Variants in CAST observed in about 807,000 individuals in gnomAD.
CAST encodes the protein MIR583 host.
Under a neutral mutation model 119.6 loss-of-function variants are expected in CAST, and 76 were observed. That is an observed-to-expected ratio of 0.64 (90% CI 0.53 to 0.77). CAST has a LOEUF of 0.77. Among genes scored for constraint, CAST ranks in the 30% least tolerant of loss-of-function variants. The probability of loss-of-function intolerance (pLI) is 0.00; values close to 1 mark genes in which losing one functional copy is unlikely to be tolerated. For missense variants in CAST, 953 were observed against 946.5 expected, an observed-to-expected ratio of 1.01 and a Z score of -0.09; for synonymous variants, 319 against 331.6, an observed-to-expected ratio of 0.96 and a Z score of 0.41.
the CAST span, among the ~76,000 whole-genome samples, chr5:96,050,407 G>A: frequency 6.6e-6 from 1 of 151,970 alleles, no homozygotes; most frequent in Non-Finnish European, 1.5e-5. Flanking sequence ...TAGCACAGGT[G>A]AAGGAATTAG....
At chr5:96,368,191 A>T in the CAST span, among the ~76,000 whole-genome samples, 3 of 151,900 alleles carry the variant, frequency 2.0e-5, 1 homozygote, top group South Asian at 6.3e-4. Context: ...ACCAATTTTT[A>T]AAAATTGTTT....
the CAST span, among the ~76,000 whole-genome samples, chr5:96,310,625 T>TA: frequency 9.9e-5 from 15 of 151,974 alleles, no homozygotes; most frequent in Admixed American, 7.9e-4. Context: ...ATTATTGGTT[T>TA]ATTCAGATTT....
At position 96,697,416 on chromosome 5, in the gene CAST, T is replaced by G. The variant is rs184137445; in HGVS notation, c.210+1509T>G. 6.6e-5 allele frequency among the ~76,000 whole-genome samples: 10 copies of G among 152,340 alleles called. No individual in the cohort carries two copies. The East Asian group carries it at 1.9e-3, about 29-fold the overall frequency. On this transcript the variant is annotated intron_variant, in intron 3 of 31. Transcript: ENST00000675179. ...GAGTTCTGACTGCTCTCCAAGTCCC[T>G]GATGGTGCCCAAACCAATAATCAGC...
intron 1 of CAST, among the ~76,000 whole-genome samples, chr5:96,532,726 T>G (rs576304737): frequency 6.6e-6 from 1 of 152,286 alleles, no homozygotes; most frequent in African/African-American, 2.4e-5. Context: ...GGTGCACACC[T>G]GTAATCCCAG....
chr5:95,998,590 T>G, the CAST span, among the ~76,000 whole-genome samples: 3 of 152,198 alleles, frequency 2.0e-5, no homozygotes, highest in African/African-American at 7.2e-5. Context: ...ATGACATGAT[T>G]TCACTCTTTT....
chr5:96,213,772 C>G, the CAST span: 1 of 152,000 alleles, frequency 6.6e-6, no homozygotes, highest in Non-Finnish European at 1.5e-5. Flanking sequence ...GCTTGGGTAG[C>G]AGAGTAAGAC....
chr5:96,066,271 C>G, the CAST span, among the ~76,000 whole-genome samples: 6 of 152,106 alleles, frequency 3.9e-5, no homozygotes, highest in Non-Finnish European at 8.8e-5. Flanking sequence ...GCCTGTATCC[C>G]TTTTGCTATG....
At chr5:96,490,430 A>T in the CAST span, among the ~76,000 whole-genome samples, 1 of 152,154 alleles carries the variant, frequency 6.6e-6, no homozygotes, top group Non-Finnish European at 1.5e-5. Flanking sequence ...TGTGAAATGC[A>T]AAGGACTAAG....
the CAST span, among the ~76,000 whole-genome samples, chr5:96,163,171 G>A: frequency 4.6e-5 from 7 of 151,978 alleles, no homozygotes; most frequent in African/African-American, 1.7e-4. Context: ...TCATTTGTTG[G>A]CATTCAGTTG....
chr5:96,164,577 A>G, the CAST span, among the ~76,000 whole-genome samples: 35,881 of 152,150 alleles, frequency 0.24, 4,842 homozygotes, highest in East Asian at 0.37. Context: ...GCAAACATTT[A>G]TTGAATACCC....
intron 1 of CAST, among the ~76,000 whole-genome samples, chr5:96,561,748 T>C (rs1339395005): frequency 1.3e-5 from 2 of 148,710 alleles, no homozygotes; most frequent in South Asian, 2.2e-4. Flanking sequence ...GAAGGATATA[T>C]ATGTCCATAT....
Position 96,770,583 on chromosome 5 carries a change from AAGCGAAGGATTC to A in CAST, c.2325_2336del (p.Asp777_Lys780del). The stretch of plus-strand genomic sequence containing the variant: ...TCCAAAGCACCTAAGAATGGAGGTA[AAGCGAAGGATTC>A]AGCAAAGGTAAATGGAGCAGTAAAT... On this transcript the variant is annotated inframe_deletion, in exon 30 of 32. Coordinates refer to ENST00000675179, the MANE Select transcript of CAST (RefSeq NM_001750.7). 1 of 1,612,386 alleles carries A rather than the reference AAGCGAAGGATTC, an allele frequency of 6.2e-7. No homozygotes were observed. The highest frequency in any genetic ancestry group is 8.5e-7 in the Non-Finnish European group (1 of 1,178,616).
chr5:96,402,320 G>A, the CAST span, among the ~76,000 whole-genome samples: 2 of 152,196 alleles, frequency 1.3e-5, no homozygotes, highest in Non-Finnish European at 2.9e-5. Flanking sequence ...TTTGTGGCTC[G>A]CAGCCTCTGA....
chr5:96,281,397 C>G, the CAST span, among the ~76,000 whole-genome samples: 2 of 152,152 alleles, frequency 1.3e-5, no homozygotes, highest in East Asian at 1.9e-4. Context: ...GGCAGTGTCT[C>G]TGTGTGTGGT....
chr5:96,074,397 C>T, the CAST span, among the ~76,000 whole-genome samples: 1 of 152,120 alleles, frequency 6.6e-6, no homozygotes, highest in Non-Finnish European at 1.5e-5. Context: ...AATTAGTGCC[C>T]TTACAAGAAG....
At chr5:96,141,236 T>C in the CAST span, among the ~76,000 whole-genome samples, 1 of 152,320 alleles carries the variant, frequency 6.6e-6, no homozygotes, top group African/African-American at 2.4e-5. Context: ...TTGACCTGTT[T>C]TGTTTGGATT....
chr5:96,558,657 G>A (rs569662610), intron 1 of CAST, among the ~76,000 whole-genome samples: 5 of 152,258 alleles, frequency 3.3e-5, no homozygotes, highest in African/African-American at 1.2e-4. Context: ...GACTAAACCA[G>A]GAAGAAATTG....
chr5:96,556,132 G>A (rs1746234081), intron 1 of CAST, among the ~76,000 whole-genome samples: 1 of 152,220 alleles, frequency 6.6e-6, no homozygotes, highest in African/African-American at 2.4e-5. Flanking sequence ...AACTCCAACA[G>A]ACCTGCAGCT....
At chr5:96,332,886 A>T in the CAST span, among the ~76,000 whole-genome samples, 6 of 151,968 alleles carry the variant, frequency 3.9e-5, no homozygotes, top group East Asian at 1.2e-3. Flanking sequence ...CTCCACACAA[A>T]TTGGTCTCCT....
Sources: gnomAD v4.1 joint callset for allele counts (sites outside exome capture counted in the v4.1 genomes callset) on GRCh38, gnomAD v4.1.1 for gene constraint, MANE v1.5 for transcripts, NCBI Gene and HGNC (gene_info 2026-07-23, HGNC 2026-07-21) for gene names.